DSCAML1: variants seen among roughly 807,000 people sequenced by gnomAD.
The protein encoded by DSCAML1 is cell adhesion molecule DSCAML1.
A neutral mutation model predicts 200.5 loss-of-function variants in DSCAML1; 38 were observed. The ratio of observed to expected loss-of-function variants is 0.19; its 90% CI spans 0.15 to 0.25. The LOEUF (loss-of-function observed/expected upper bound fraction) is 0.25, where lower values mean the gene tolerates loss of function less well. Among genes scored for constraint, DSCAML1 ranks in the 10% least tolerant of loss-of-function variants. The pLI is 1.00. For synonymous variants in DSCAML1, 1,215 were observed against 1,165.0 expected (o/e 1.04, Z -0.87); for missense variants, 2,223 against 2,858.8 (o/e 0.78, Z 5.07).
chr11:117,575,847 CAA>C (rs2050922707), intron 3 of DSCAML1, among the ~76,000 whole-genome samples: 1 of 8,540 alleles, frequency 1.2e-4, no homozygotes, highest in Non-Finnish European at 3.2e-4. Context: ...AAAAACAACC[CAA>C]AACAAAACAA....
chr11:117,529,876 C>T (rs577929123), intron 4 of DSCAML1, among the ~76,000 whole-genome samples: 10 of 152,108 alleles, frequency 6.6e-5, no homozygotes, highest in African/African-American at 1.4e-4. Flanking sequence ...CCAACCCCCT[C>T]GGCACTGCTT....
At chr11:117,745,130 G>T (rs1346781001) in intron 3 of DSCAML1, among the ~76,000 whole-genome samples, 3 of 151,408 alleles carry the variant, frequency 2.0e-5, no homozygotes, top group African/African-American at 4.8e-5. Flanking sequence ...CTAATCCATG[G>T]TGACAGGCCT....
In DSCAML1 at chr11:117,730,415, T is replaced by A. The variant is rs140147569; in HGVS notation, c.511+46376A>T. Among the ~76,000 whole-genome samples, 522 of 152,288 alleles carry A rather than the reference T, an allele frequency of 3.4e-3. 3 individuals carry two copies. The highest frequency in any genetic ancestry group is 0.014 in the Middle Eastern group (4 of 294). ...AGCCCTGATGACACACTGATTTTAG[T>A]CCCGTGAGACTCATTCCAGACTTCT... On this transcript the variant is annotated intron_variant, in intron 3 of 32. Coordinates refer to ENST00000651296, the MANE Select transcript of DSCAML1 (RefSeq NM_020693.4).
At chr11:117,792,824 G>T (rs1414378687) in intron 1 of DSCAML1, among the ~76,000 whole-genome samples, 1 of 152,118 alleles carries the variant, frequency 6.6e-6, no homozygotes, top group African/African-American at 2.4e-5. Flanking sequence ...TCCCAAGTTT[G>T]GTCTACCTTA....
At chr11:117,733,492 G>A (rs4142640) in intron 3 of DSCAML1, among the ~76,000 whole-genome samples, 12,343 of 152,182 alleles carry the variant, frequency 0.081, 855 homozygotes, top group African/African-American at 0.18. Context: ...TGCTGACTAC[G>A]AAAGGATTAC....
intron 3 of DSCAML1, among the ~76,000 whole-genome samples, chr11:117,673,450 T>C (rs1301360159): frequency 1.3e-5 from 2 of 152,192 alleles, no homozygotes; most frequent in Non-Finnish European, 2.9e-5. Flanking sequence ...AGAGTGCTTT[T>C]CATGGGGGTT....
intron 3 of DSCAML1, among the ~76,000 whole-genome samples, chr11:117,700,879 G>A (rs138804030): frequency 0.011 from 1,741 of 152,372 alleles, 12 homozygotes; most frequent in South Asian, 0.052. Context: ...GATGGAGCCA[G>A]TCAGGGTTCA....
At chr11:117,524,767 AGG>A (rs1393110218) in intron 5 of DSCAML1, 36 bp downstream of exon 5, 2 of 1,546,926 alleles carry the variant, frequency 1.3e-6, no homozygotes, top group South Asian at 2.4e-5. Flanking sequence ...GCGCCCTCAG[AGG>A]TTACTGGGGC....
At chr11:117,769,144 ATATATATTTTATATATAT>A (rs1254807881) in intron 3 of DSCAML1, among the ~76,000 whole-genome samples, 20 of 103,766 alleles carry the variant, frequency 1.9e-4, no homozygotes, top group Middle Eastern at 4.2e-3. Flanking sequence ...ATTATATATT[ATATATATTTTATATATAT>A]TATATATTTT....
chr11:117,524,443 C>A (rs2049938193), intron 5 of DSCAML1, among the ~76,000 whole-genome samples: 1 of 152,226 alleles, frequency 6.6e-6, no homozygotes, highest in South Asian at 2.1e-4. Context: ...GCCCGGAAGC[C>A]CTGCCCTCAT....
At chr11:117,538,415 G>C (rs1267474673) in intron 3 of DSCAML1, among the ~76,000 whole-genome samples, 1 of 152,164 alleles carries the variant, frequency 6.6e-6, no homozygotes, top group South Asian at 2.1e-4. Flanking sequence ...ATGAAGGGCC[G>C]GAGTAGCTGA....
At chr11:117,688,954 T>C (rs572618378) in intron 3 of DSCAML1, among the ~76,000 whole-genome samples, 2 of 152,330 alleles carry the variant, frequency 1.3e-5, no homozygotes, top group African/African-American at 2.4e-5. Context: ...CTGGCTATCA[T>C]TGAGGACACC....
chr11:117,796,174 C>T (rs1355239419), intron 1 of DSCAML1, among the ~76,000 whole-genome samples: 1 of 152,222 alleles, frequency 6.6e-6, no homozygotes, highest in Non-Finnish European at 1.5e-5. Flanking sequence ...GGCTGCCTCG[C>T]GGATCAGGTA....
At chr11:117,669,527 G>C (rs903767171) in intron 3 of DSCAML1, among the ~76,000 whole-genome samples, 1 of 152,202 alleles carries the variant, frequency 6.6e-6, no homozygotes, top group Non-Finnish European at 1.5e-5. Context: ...CTGGGCCCTG[G>C]GCATATACAA....
chr11:117,457,257 T>A (rs1295826535), intron 19 of DSCAML1, among the ~76,000 whole-genome samples: 1 of 152,208 alleles, frequency 6.6e-6, no homozygotes, highest in Admixed American at 6.5e-5. Context: ...TGTATAACCA[T>A]GAGTGGCTCT....
chr11:117,742,600 T>C (rs548483877), intron 3 of DSCAML1, among the ~76,000 whole-genome samples: 33 of 152,334 alleles, frequency 2.2e-4, no homozygotes, highest in Middle Eastern at 3.4e-3. Flanking sequence ...GGCAGCTCCA[T>C]ACAGGGAGTC....
intron 3 of DSCAML1, among the ~76,000 whole-genome samples, chr11:117,562,561 C>G (rs986573719): frequency 6.6e-6 from 1 of 152,146 alleles, no homozygotes; most frequent in African/African-American, 2.4e-5. Flanking sequence ...TTCTGAGGCC[C>G]AAGGTTAAAG....
intron 3 of DSCAML1, among the ~76,000 whole-genome samples, chr11:117,746,176 C>G (rs1292169204): frequency 8.5e-6 from 1 of 117,158 alleles, no homozygotes; most frequent in East Asian, 2.8e-4. Flanking sequence ...GAGCCCAGAT[C>G]ATGCAGCTGC....
chr11:117,635,386 A>G (rs983826314), intron 3 of DSCAML1, among the ~76,000 whole-genome samples: 3 of 151,914 alleles, frequency 2.0e-5, no homozygotes, highest in Admixed American at 6.6e-5. Flanking sequence ...CGGATATCCA[A>G]GGGATGTGGT....
Sources: allele counts gnomAD v4.1 joint callset (sites outside exome capture counted in the v4.1 genomes callset), GRCh38; gene constraint gnomAD v4.1.1; transcripts MANE v1.5; gene names NCBI Gene and HGNC (gene_info 2026-07-23, HGNC 2026-07-21).